Variants in ACSM2B observed in about 807,000 individuals in gnomAD.
The protein encoded by ACSM2B is acyl-CoA synthetase medium chain family member 2B.
Under a neutral mutation model 78.6 loss-of-function variants are expected in ACSM2B, and 58 were observed. That is an observed-to-expected ratio of 0.74 (90% CI 0.60 to 0.92). The LOEUF is 0.92. ACSM2B is among the 40% of genes least tolerant of loss of function. The pLI is 0.00. For synonymous variants in ACSM2B, 257 were observed against 256.8 expected, an observed-to-expected ratio of 1.00 and a Z score of -0.01; for missense variants, 688 against 711.2, an observed-to-expected ratio of 0.97 and a Z score of 0.37.
chr16:20,559,569 C>A (rs1198674879), intron 2 of ACSM2B, 122 bp from the exon 3 acceptor site: 31 of 1,361,832 alleles, frequency 2.3e-5, no homozygotes, highest in Non-Finnish European at 3.0e-5. Flanking sequence ...CACCTCCATA[C>A]AATCATAAAA....
rs192751241 is a variant in ACSM2B, at chr16:20,547,761, C to A, written c.1098+301G>T. 48 of 1,036,236 alleles carry A rather than the reference C, an allele frequency of 4.6e-5. 1 individual carries two copies. Among genetic ancestry groups the A allele is most frequent in the Non-Finnish European group, 5.5e-5 (45 of 814,646 alleles). The allele number at this position is 1,036,236 out of a possible 1,614,324, so 64.2% of individuals were successfully genotyped here. A position where few individuals can be genotyped will look rare whatever the true frequency, so the allele number is the denominator to read the frequency against. On this transcript the variant is annotated intron_variant, in intron 8 of 13. Transcript: ENST00000329697. Reference sequence around the variant, plus strand: ...CCATATGTGATTTACCAACTTCTCACCCCATCTCATCTACTTTACTTTTTC... The same window carrying A: ...CCATATGTGATTTACCAACTTCTCAACCCATCTCATCTACTTTACTTTTTC...
At chr16:20,548,660 C>T (rs1241247385) in intron 6 of ACSM2B, among the ~76,000 whole-genome samples, 187 bp from the exon 7 acceptor site, 1 of 152,192 alleles carries the variant, frequency 6.6e-6, no homozygotes, top group African/African-American at 2.4e-5. Flanking sequence ...GCACAAATAA[C>T]AGGGAAATGA....
At chr16:20,565,734 G>A (rs974691812) in intron 1 of ACSM2B, among the ~76,000 whole-genome samples, 19 of 151,864 alleles carry the variant, frequency 1.3e-4, no homozygotes, top group African/African-American at 4.1e-4. Flanking sequence ...CCCATCACTC[G>A]AGGAGTATAC....
intron 13 of ACSM2B, among the ~76,000 whole-genome samples, chr16:20,540,130 G>C (rs541229603): frequency 6.6e-6 from 1 of 152,190 alleles, no homozygotes; most frequent in East Asian, 1.9e-4. Context: ...GATTCAGAGT[G>C]AGTCAAAAGC....
intron 2 of ACSM2B, among the ~76,000 whole-genome samples, chr16:20,562,283 C>A (rs370392637): frequency 6.6e-6 from 1 of 151,888 alleles, no homozygotes; most frequent in East Asian, 1.9e-4. Context: ...TAAAATAGAC[C>A]CTTCGCATAT....
Position 20,548,099 on chromosome 16 carries a change from C to A in ACSM2B, c.1061G>T (p.Gly354Val), listed in dbSNP as rs1193783721. ...ETLENWRAQT[G>V]LDIREFYGQT... ...GCCATAGAATTCTCGGATGTCCAGTCCTGTCTGGGCCCTCCAGTTCTCCAG... is the reference window on the plus strand; with the variant it reads ...GCCATAGAATTCTCGGATGTCCAGTACTGTCTGGGCCCTCCAGTTCTCCAG... Residue 354 changes from glycine to valine, a missense_variant, in exon 8 of 14, where the codon GGA (glycine) becomes GTA (valine). Coordinates refer to ENST00000329697, the MANE Select transcript of ACSM2B (RefSeq NM_001105069.2). 6.2e-7 allele frequency: 1 copy of A among 1,614,068 alleles called. No individual in the cohort carries two copies.
chr16:20,537,584 G>A (rs1259416362), intron 13 of ACSM2B, among the ~76,000 whole-genome samples: 2 of 152,146 alleles, frequency 1.3e-5, no homozygotes, highest in Non-Finnish European at 2.9e-5. Context: ...GACAGAGGAG[G>A]AGCAGCATAA....
intron 1 of ACSM2B, among the ~76,000 whole-genome samples, chr16:20,572,637 A>C (rs1596742553): frequency 6.7e-6 from 1 of 149,832 alleles, no homozygotes; most frequent in South Asian, 2.1e-4. Context: ...CAAGGCTGGG[A>C]AAGTTTTCCT....
At chr16:20,569,321 G>C (rs572589383) in intron 1 of ACSM2B, among the ~76,000 whole-genome samples, 90 of 151,960 alleles carry the variant, frequency 5.9e-4, no homozygotes, top group Non-Finnish European at 1.2e-3. Flanking sequence ...TGAATAGAGT[G>C]TCCTTTCCCC....
rs1423280547 is a variant in ACSM2B, at chr16:20,566,106, G to T, written c.-8-1253C>A. ...ATGTATGTATTATATAGTATATATCGAAAAAATATAAAAATTCTATTTTTA... is the reference window on the plus strand; with the variant it reads ...ATGTATGTATTATATAGTATATATCTAAAAAATATAAAAATTCTATTTTTA... On this transcript the variant is annotated intron_variant, in intron 1 of 13. Coordinates refer to ENST00000329697, the MANE Select transcript of ACSM2B (RefSeq NM_001105069.2). Among the ~76,000 whole-genome samples, 3 of 114,940 alleles carry T rather than the reference G, an allele frequency of 2.6e-5. No individual in the cohort carries two copies. In the South Asian group the frequency reaches 8.3e-4, roughly 32 times the overall value. 75.4% of individuals were successfully genotyped at this position (114,940 alleles called of 152,430 possible).
In ACSM2B at chr16:20,574,721, C is replaced by G. The variant is rs1489880838; in HGVS notation, c.-9+1486G>C. 9.5e-5 allele frequency: 14 copies of G among 147,642 alleles called. No homozygotes were observed. The East Asian group carries it at 2.0e-3, about 21-fold the overall frequency. 9.1% of individuals were successfully genotyped at this position (147,642 alleles called of 1,614,324 possible). A position where few individuals can be genotyped will look rare whatever the true frequency, so the allele number is the denominator to read the frequency against. On this transcript the variant is annotated intron_variant, in intron 1 of 13. Coordinates refer to ENST00000329697, the MANE Select transcript of ACSM2B (RefSeq NM_001105069.2). ...GTGCATGGTGAGGCTGTGCATGCAC[C>G]TTTCATTGCAGGTCAGCCACTAACA...
At chr16:20,569,291 A>G (rs1325191802) in intron 1 of ACSM2B, among the ~76,000 whole-genome samples, 2 of 151,914 alleles carry the variant, frequency 1.3e-5, no homozygotes, top group African/African-American at 4.8e-5. Flanking sequence ...TGGCTTGCCA[A>G]TTATCCCAGA....
intron 2 of ACSM2B, among the ~76,000 whole-genome samples, chr16:20,562,187 A>G (rs1009210141): frequency 6.6e-6 from 1 of 151,854 alleles, no homozygotes; most frequent in African/African-American, 2.4e-5. Flanking sequence ...ATTTTTTGAG[A>G]AAATGTTATA....
At chr16:20,544,189 G>A (rs1375304048) in intron 10 of ACSM2B, among the ~76,000 whole-genome samples, 3 of 152,228 alleles carry the variant, frequency 2.0e-5, no homozygotes, top group Non-Finnish European at 4.4e-5. Context: ...GAAGGGGACA[G>A]TGTGGCTCTG....
chr16:20,559,635 A>G (rs570067847), intron 2 of ACSM2B, among the ~76,000 whole-genome samples, 188 bp from the exon 3 acceptor site: 1 of 150,294 alleles, frequency 6.7e-6, no homozygotes, highest in South Asian at 2.1e-4. Context: ...ATCAATATCT[A>G]CCATAGTAGA....
chr16:20,568,546 T>C (rs1383093851), intron 1 of ACSM2B, among the ~76,000 whole-genome samples: 1 of 151,474 alleles, frequency 6.6e-6, no homozygotes, highest in Non-Finnish European at 1.5e-5. Flanking sequence ...TGCAGTGACT[T>C]CTTTCGTATA....
chr16:20,542,896 C>T lies in ACSM2B; in HGVS notation c.1509+18G>A. 1.9e-6 allele frequency: 3 copies of T among 1,613,464 alleles called. No homozygotes were observed. Among genetic ancestry groups the T allele is most frequent in the Non-Finnish European group, 2.5e-6 (3 of 1,179,738 alleles). On this transcript the variant is annotated intron_variant, in intron 12 of 13. Coordinates refer to ENST00000329697, the MANE Select transcript of ACSM2B (RefSeq NM_001105069.2). ...GTGTTCATATCTGTTCACCCCCAGG[C>T]TACTGCTTCCCCATCACCTCTCCTC...
chr16:20,557,411 C>A (rs1245328319), intron 3 of ACSM2B, among the ~76,000 whole-genome samples: 5 of 150,024 alleles, frequency 3.3e-5, no homozygotes, highest in Non-Finnish European at 1.5e-5. Context: ...TAGTTCCCCC[C>A]CAATTGCCTG....
chr16:20,552,063 T>C, intron 6 of ACSM2B, 81 bp downstream of exon 6: 1 of 1,524,108 alleles, frequency 6.6e-7, no homozygotes, highest in Non-Finnish European at 8.8e-7. Context: ...ATTAGATGAA[T>C]TGAAACAAAC....
Sources: allele counts gnomAD v4.1 joint callset (sites outside exome capture counted in the v4.1 genomes callset), GRCh38; gene constraint gnomAD v4.1.1; transcripts MANE v1.5; gene names NCBI Gene and HGNC (gene_info 2026-07-23, HGNC 2026-07-21).